The following DOCK10 variants were observed in gnomAD, a reference collection of about 807,000 sequenced individuals.
DOCK10 encodes the protein dedicator of cytokinesis 10.
DOCK10 carries 145 observed loss-of-function variants against 280.1 expected under a neutral mutation model. The ratio of observed to expected loss-of-function variants is 0.52; its 90% CI spans 0.45 to 0.59. DOCK10 has a LOEUF of 0.59. DOCK10 is among the 20% of genes least tolerant of loss of function. The pLI is 0.00. For missense variants in DOCK10, 2,368 were observed against 2,651.7 expected (o/e 0.89, Z 2.35); for synonymous variants, 915 against 942.2 (o/e 0.97, Z 0.53).
At chr2:224,946,830 G>C in intron 1 of DOCK10, 1 of 1,503,534 alleles carries the variant, frequency 6.7e-7, no homozygotes, top group Non-Finnish European at 8.9e-7. Flanking sequence ...GCAAAACATT[G>C]ACATTTGGAT....
chr2:225,030,972 T>C (rs181684368), intron 1 of DOCK10, among the ~76,000 whole-genome samples: 1 of 152,326 alleles, frequency 6.6e-6, no homozygotes, highest in Non-Finnish European at 1.5e-5. Flanking sequence ...GCCTAATCTA[T>C]ACTCCTGTCA....
At chr2:224,983,657 G>A (rs142608116) in intron 1 of DOCK10, 33 of 422,872 alleles carry the variant, frequency 7.8e-5, no homozygotes, top group Admixed American at 3.3e-4. Context: ...TGCTCAAACA[G>A]GCATTAATTG....
chr2:224,962,056 G>C (rs938569669), intron 1 of DOCK10, among the ~76,000 whole-genome samples: 1 of 152,156 alleles, frequency 6.6e-6, no homozygotes, highest in Admixed American at 6.5e-5. Context: ...CAGCATGGTG[G>C]CTGGCTGACA....
At chr2:224,978,646 A>T (rs1177660535) in intron 1 of DOCK10, among the ~76,000 whole-genome samples, 1 of 152,212 alleles carries the variant, frequency 6.6e-6, no homozygotes, top group Non-Finnish European at 1.5e-5. Flanking sequence ...TTTCAAATGG[A>T]TTTATACACT....
intron 1 of DOCK10, among the ~76,000 whole-genome samples, chr2:225,021,081 C>T (rs1307511484): frequency 1.3e-5 from 2 of 152,184 alleles, no homozygotes; most frequent in Non-Finnish European, 2.9e-5. Flanking sequence ...GTGAGAGGGA[C>T]CATCGCTGCC....
chr2:224,796,362 G>C lies in DOCK10; in HGVS notation c.4892C>G (p.Ser1631Trp), dbSNP rs865949520. 2 of 1,574,580 alleles carry C rather than the reference G, an allele frequency of 1.3e-6. No homozygotes were observed. Among genetic ancestry groups the C allele is most frequent in the African/African-American group, 2.7e-5 (2 of 74,254 alleles). The change falls in exon 44 of 56, where the codon TCG (serine) becomes TGG (tryptophan). Residue 1631 changes from serine to tryptophan, a missense_variant. Ser to Trp is a radical substitution (Grantham distance 177). This residue lies in a region of DOCK10 where 1,159 missense variants were observed against 1,400.8 expected (regional missense o/e 0.83). Transcript: ENST00000258390. ...AGIGGSRFQH[S>W]LAITNNFANG... ...GGCGAAATTATTGGTAATTGCAAGC[G>C]AATGTTGAAACCGAGAGCCTCCAAT...
intron 1 of DOCK10, among the ~76,000 whole-genome samples, chr2:224,994,231 T>C (rs1346494987): frequency 6.6e-6 from 1 of 152,232 alleles, no homozygotes; most frequent in African/African-American, 2.4e-5. Flanking sequence ...GTATATGTAC[T>C]GGTTAAGGAA....
At chr2:224,847,356 A>G (rs1192778570) in intron 19 of DOCK10, among the ~76,000 whole-genome samples, 1 of 152,170 alleles carries the variant, frequency 6.6e-6, no homozygotes, top group Non-Finnish European at 1.5e-5. Flanking sequence ...TCAGTAAAAG[A>G]GGATCTTTCA....
intron 1 of DOCK10, among the ~76,000 whole-genome samples, chr2:225,015,717 C>T (rs1437114840): frequency 6.6e-6 from 1 of 152,186 alleles, no homozygotes; most frequent in Non-Finnish European, 1.5e-5. Context: ...CCCCAGTCTG[C>T]TTCTAGACGC....
intron 29 of DOCK10, among the ~76,000 whole-genome samples, chr2:224,818,903 C>T (rs1694326466): frequency 6.6e-6 from 1 of 152,154 alleles, no homozygotes; most frequent in Admixed American, 6.5e-5. Flanking sequence ...AACCATAGCT[C>T]AGTGGTTCTC....
At chr2:224,959,130 CA>C (rs1685018459) in intron 1 of DOCK10, among the ~76,000 whole-genome samples, 1 of 152,148 alleles carries the variant, frequency 6.6e-6, no homozygotes, top group South Asian at 2.1e-4. Context: ...TCTCACTGCC[CA>C]TAACTACAGA....
At chr2:224,943,830 C>A (rs903591243) in intron 1 of DOCK10, among the ~76,000 whole-genome samples, 9 of 140,266 alleles carry the variant, frequency 6.4e-5, no homozygotes, top group Non-Finnish European at 1.2e-4. Flanking sequence ...GTGGCACGAT[C>A]TCGGCTCACT....
At chr2:224,812,834 A>T (rs1009387742) in intron 31 of DOCK10, among the ~76,000 whole-genome samples, 1 of 152,194 alleles carries the variant, frequency 6.6e-6, no homozygotes, top group Non-Finnish European at 1.5e-5. Context: ...CCAGGGATGA[A>T]GCCCACTTGA....
At chr2:224,845,729 CTT>C (rs796185255) in intron 19 of DOCK10, 87 bp from the exon 20 acceptor site, 633 of 1,049,476 alleles carry the variant, frequency 6.0e-4, no homozygotes, top group Middle Eastern at 1.3e-3. Context: ...TTTAAACAAT[CTT>C]TTTTTTTTTT....
intron 31 of DOCK10, among the ~76,000 whole-genome samples, chr2:224,813,904 C>A (rs1307169763): frequency 2.6e-5 from 4 of 152,154 alleles, no homozygotes; most frequent in African/African-American, 9.7e-5. Flanking sequence ...AAGTTACTAA[C>A]CCATTTCAGA....
chr2:225,038,134 A>C lies in DOCK10; in HGVS notation c.123+4118T>G, dbSNP rs77134669. Among the ~76,000 whole-genome samples the C allele has an allele frequency of 1.1e-3, 161 of 152,354 alleles. No individual in the cohort carries two copies. In the East Asian group the frequency reaches 0.025, roughly 24 times the overall value. On this transcript the variant is annotated intron_variant, in intron 1 of 55. Transcript: ENST00000258390. ...ACAAAATAAAAAGACTGTGCTGTGA[A>C]TGCTAAACAACCAGGCCCTTATATT...
intron 33 of DOCK10, 125 bp downstream of exon 33, chr2:224,807,543 A>C (rs1693474408): frequency 1.5e-6 from 1 of 645,346 alleles, no homozygotes; most frequent in Non-Finnish European, 2.7e-6. Context: ...AGTACATAGC[A>C]GAAAGTGTTG....
At chr2:224,934,877 G>T (rs1366307259) in intron 1 of DOCK10, among the ~76,000 whole-genome samples, 1 of 152,184 alleles carries the variant, frequency 6.6e-6, no homozygotes, top group Non-Finnish European at 1.5e-5. Flanking sequence ...AATGAGTAAT[G>T]AATTTCATTA....
intron 30 of DOCK10, among the ~76,000 whole-genome samples, chr2:224,815,950 T>G (rs1694107413): frequency 2.0e-5 from 3 of 151,876 alleles, no homozygotes. Flanking sequence ...GGAGAATCCC[T>G]CAAACCTGGG....
Sources: allele counts gnomAD v4.1 joint callset (sites outside exome capture counted in the v4.1 genomes callset), GRCh38; gene constraint gnomAD v4.1.1; regional missense constraint gnomAD v4.1.1; transcripts MANE v1.5; gene names NCBI Gene and HGNC (gene_info 2026-07-23, HGNC 2026-07-21).